The following KCNN4 variants were observed in gnomAD, a reference collection of about 807,000 sequenced individuals.
KCNN4 encodes intermediate conductance calcium-activated potassium channel protein 4.
A neutral mutation model predicts 45.2 loss-of-function variants in KCNN4; 31 were observed. The observed-to-expected ratio is 0.69, with a 90% CI of 0.52 to 0.92. KCNN4 has a LOEUF of 0.92. Ranked by LOEUF, KCNN4 falls within the 40% of genes least tolerant of loss-of-function variation. The probability of loss-of-function intolerance (pLI) is 0.00; values close to 1 mark genes in which losing one functional copy is unlikely to be tolerated. For synonymous variants in KCNN4, 231 were observed against 254.6 expected, an observed-to-expected ratio of 0.91 and a Z score of 0.88; for missense variants, 463 against 574.0, an observed-to-expected ratio of 0.81 and a Z score of 1.98.
chr19:43,779,702 C>G (rs999176932), intron 1 of KCNN4, among the ~76,000 whole-genome samples: 3 of 152,092 alleles, frequency 2.0e-5, no homozygotes, highest in Non-Finnish European at 4.4e-5. Flanking sequence ...ACCCCACTTT[C>G]CCCTTTCTTC....
chr19:43,775,752 G>A (rs1485001313), intron 2 of KCNN4, among the ~76,000 whole-genome samples: 2 of 152,106 alleles, frequency 1.3e-5, no homozygotes, highest in Non-Finnish European at 2.9e-5. Context: ...GACCCAAGGT[G>A]GGGTATGGAT....
At position 43,766,584 on chromosome 19, in the gene KCNN4, ACTT is replaced by A. The variant is rs1453179266; in HGVS notation, c.*506_*508del. On this transcript the variant is annotated 3_prime_UTR_variant, in exon 9 of 9. Transcript: ENST00000648319. ...ATAAGAGCAGAGGCTGGTGAGTTAC[ACTT>A]CTTCCTCCCCACCAGGTGCTCTCTG... 2.0e-5 allele frequency: 3 copies of A among 152,268 alleles called. No homozygotes were observed. Among genetic ancestry groups the A allele is most frequent in the Admixed American group, 6.5e-5 (1 of 15,276 alleles). The allele number at this position is 152,268 out of a possible 1,614,324, so 9.4% of individuals were successfully genotyped here.
At chr19:43,773,342 A>AT (rs143293887) in intron 3 of KCNN4, among the ~76,000 whole-genome samples, 567 of 152,324 alleles carry the variant, frequency 3.7e-3, no homozygotes, top group African/African-American at 0.012. Context: ...CGTGACATGC[A>AT]TTTTTCAGAT....
In KCNN4 at chr19:43,769,298, TC is replaced by T; in HGVS notation, c.1049+143del. On this transcript the variant is annotated intron_variant, in intron 6 of 8. Coordinates refer to ENST00000648319, the MANE Select transcript of KCNN4 (RefSeq NM_002250.3). The surrounding 1 kb of genome is among the most constrained non-coding windows in gnomAD (Gnocchi z 4.4). ...ACACATAGAGTCATGCACGGTCAGATCCAGGTGAGACCTGGATGTTGAGTGA... is the reference window on the plus strand; with the variant it reads ...ACACATAGAGTCATGCACGGTCAGATCAGGTGAGACCTGGATGTTGAGTGA... 1.4e-6 allele frequency: 1 copy of T among 728,176 alleles called. No homozygotes were observed. The highest frequency in any genetic ancestry group is 1.6e-5 in the South Asian group (1 of 62,850). 45.1% of individuals were successfully genotyped at this position (728,176 alleles called of 1,614,324 possible). A position where few individuals can be genotyped will look rare whatever the true frequency, so the allele number is the denominator to read the frequency against.
In KCNN4 at chr19:43,771,988, A is replaced by G. The variant is rs1459415840; in HGVS notation, c.819+12T>C. The stretch of plus-strand genomic sequence containing the variant: ...GGGATAGGGATCATGTCCCCAAGGC[A>G]GCTGTACTCACCATGACTCCAGTGC... On this transcript the variant is annotated intron_variant, in intron 4 of 8. Coordinates refer to ENST00000648319, the MANE Select transcript of KCNN4 (RefSeq NM_002250.3). 1 of 1,598,092 alleles carries G rather than the reference A, an allele frequency of 6.3e-7. No homozygotes were observed. Among genetic ancestry groups the G allele is most frequent in the Admixed American group, 1.8e-5 (1 of 55,906 alleles).
At chr19:43,767,999 C>G (rs1969530839) in intron 7 of KCNN4, among the ~76,000 whole-genome samples, 1 of 152,182 alleles carries the variant, frequency 6.6e-6, no homozygotes, top group South Asian at 2.1e-4. Flanking sequence ...CAAAGCAGCT[C>G]CTGAAATAAG....
intron 1 of KCNN4, among the ~76,000 whole-genome samples, chr19:43,778,733 C>T (rs1969886284): frequency 6.6e-6 from 1 of 152,192 alleles, no homozygotes; most frequent in South Asian, 2.1e-4. Context: ...TCCTCCTCCA[C>T]CCCACCTGGT....
Position 43,774,550 on chromosome 19 carries a change from C to G in KCNN4, c.325G>C (p.Val109Leu). The G allele has an allele frequency of 6.4e-7, 1 of 1,571,076 alleles. No individual in the cohort carries two copies. The highest frequency in any genetic ancestry group is 8.6e-7 in the Non-Finnish European group (1 of 1,166,100). ...AGCCCACACACCACCAGCTCCAGCA[C>G]GATCTGCGCCGCCTGCCGCCCGGTC... ...ALTGRQAAQI[V>L]LELVVCGLHP... The change falls in exon 3 of 9, where the codon GTG (valine) becomes CTG (leucine). Residue 109 changes from valine (V) to leucine (L), a missense_variant. Coordinates refer to ENST00000648319, the MANE Select transcript of KCNN4 (RefSeq NM_002250.3). This position sits in a 1 kb window ranked among gnomAD's most constrained non-coding sequence, Gnocchi z 5.6.
At position 43,766,868 on chromosome 19, in the gene KCNN4, G is replaced by A. The variant is rs1438472271; in HGVS notation, c.*225C>T. 6.5e-6 allele frequency: 1 copy of A among 153,256 alleles called. No homozygotes were observed. Among genetic ancestry groups the A allele is most frequent in the Non-Finnish European group, 1.5e-5 (1 of 68,450 alleles). 9.5% of individuals were successfully genotyped at this position (153,256 alleles called of 1,614,324 possible). ...TGTTTTTGATGAGGGTATGCAGAGT[G>A]GGGGTGACCATGTTCCCACCTGGGG... On this transcript the variant is annotated 3_prime_UTR_variant, in exon 9 of 9. Transcript: ENST00000648319.
In KCNN4 at chr19:43,769,185, T is replaced by C. The variant is rs1389805791; in HGVS notation, c.1050-153A>G. On this transcript the variant is annotated intron_variant, in intron 6 of 8. Transcript: ENST00000648319. The surrounding 1 kb of genome is among the most constrained non-coding windows in gnomAD (Gnocchi z 4.4). ...TGAAAGAGTGGGAGGGGATGCACCC[T>C]GCCTCCCCACGAGCCCCCATCCCCA... is the stretch of plus-strand genomic sequence containing the variant. The C allele has an allele frequency of 5.9e-6, 5 of 841,946 alleles. No homozygotes were observed. The highest frequency in any genetic ancestry group is 9.6e-6 in the Non-Finnish European group (5 of 518,392). 52.2% of individuals were successfully genotyped at this position (841,946 alleles called of 1,614,324 possible).
chr19:43,771,969 G>C (rs1969655979), intron 4 of KCNN4, 31 bp downstream of exon 4: 1 of 1,567,856 alleles, frequency 6.4e-7, no homozygotes, highest in Non-Finnish European at 8.6e-7. Flanking sequence ...GTTTGGGATA[G>C]GGATCATGTC....
chr19:43,769,651 AG>A lies in KCNN4; in HGVS notation c.930+67del. The A allele has an allele frequency of 6.4e-7, 1 of 1,561,032 alleles. No homozygotes were observed. Among genetic ancestry groups the A allele is most frequent in the South Asian group, 1.1e-5 (1 of 89,880 alleles). Reference sequence around the variant, plus strand: ...GCTGGGACTCTTGGGTCCTAGGGGAAGCAGGGGCGCCTGGACTCCTGCTTCT... The same window carrying A: ...GCTGGGACTCTTGGGTCCTAGGGGAACAGGGGCGCCTGGACTCCTGCTTCT... On this transcript the variant is annotated intron_variant, in intron 5 of 8. Transcript: ENST00000648319. The surrounding 1 kb of genome is among the most constrained non-coding windows in gnomAD (Gnocchi z 4.4).
Position 43,774,577 on chromosome 19 carries a change from G to GCGCCA in KCNN4, c.293_297dup (p.Leu100TrpfsTer3). Reference sequence around the variant, plus strand: ...ATCTGCGCCGCCTGCCGCCCGGTCAGCGCCACGCGCCAGTCCCGCAGCCCG... The same window carrying GCGCCA: ...ATCTGCGCCGCCTGCCGCCCGGTCAGCGCCACGCCACGCGCCAGTCCCGCAGCCCG... On this transcript the variant is annotated frameshift_variant, in exon 3 of 9. Transcript: ENST00000648319. LOFTEE classifies it high-confidence loss of function. The surrounding 1 kb of genome is among the most constrained non-coding windows in gnomAD (Gnocchi z 5.6). 6.5e-7 allele frequency: 1 copy of GCGCCA among 1,532,412 alleles called. No homozygotes were observed. Among genetic ancestry groups the GCGCCA allele is most frequent in the Non-Finnish European group, 8.7e-7 (1 of 1,150,312 alleles). 94.9% of individuals were successfully genotyped at this position (1,532,412 alleles called of 1,614,324 possible). A position where few individuals can be genotyped will look rare whatever the true frequency, so the allele number is the denominator to read the frequency against.
rs1288990572 is a variant in KCNN4 at position 43,768,998 on chromosome 19, G to A, written c.1084C>T (p.Arg362Trp). The change falls in exon 7 of 9, where the codon CGG (arginine) becomes TGG (tryptophan). Residue 362 changes from arginine to tryptophan, a missense_variant. Arg to Trp is a moderately radical substitution (Grantham distance 101). Transcript: ENST00000648319. ...TCCACCATGGAGTTCACTTGTTCCC[G>A]GAGCTTCCGGTGTTTCAGCCGCACC... ...RQVRLKHRKL[R>W]EQVNSMVDIS... The A allele has an allele frequency of 8.7e-6, 14 of 1,613,896 alleles. No individual in the cohort carries two copies. Among genetic ancestry groups the A allele is most frequent in the South Asian group, 7.7e-5 (7 of 91,072 alleles).
Position 43,769,150 on chromosome 19 carries a change from G to C in KCNN4, c.1050-118C>G. 8.5e-7 allele frequency: 1 copy of C among 1,170,834 alleles called. No individual in the cohort carries two copies. Among genetic ancestry groups the C allele is most frequent in the Non-Finnish European group, 1.3e-6 (1 of 788,188 alleles). 72.5% of individuals were successfully genotyped at this position (1,170,834 alleles called of 1,614,324 possible). ...AGAAACAAAACAAAGAAACAAAGTT[G>C]TCGAAGAGCTGAAAGAGTGGGAGGG... is the stretch of plus-strand genomic sequence containing the variant. On this transcript the variant is annotated intron_variant, in intron 6 of 8. Transcript: ENST00000648319. The surrounding 1 kb of genome is among the most constrained non-coding windows in gnomAD (Gnocchi z 4.4).
rs1265496801 is a variant in KCNN4 at position 43,772,979 on chromosome 19, A to G, written c.684-844T>C. ...AATCCTGATTCTGACCAATTTCCCA[A>G]TTGTGAAAACTAAGATCCTGGAAGG... On this transcript the variant is annotated intron_variant, in intron 3 of 8. Transcript: ENST00000648319. The surrounding 1 kb of genome is among the most constrained non-coding windows in gnomAD (Gnocchi z 4.4). Among the ~76,000 whole-genome samples the G allele has an allele frequency of 6.6e-6, 1 of 152,214 alleles. No individual in the cohort carries two copies.
rs751189898 is a variant in KCNN4, at chr19:43,774,450, G to C, written c.425C>G (p.Pro142Arg). The C allele has an allele frequency of 6.3e-7, 1 of 1,595,198 alleles. No homozygotes were observed. The highest frequency in any genetic ancestry group is 8.5e-7 in the Non-Finnish European group (1 of 1,171,062). The change falls in exon 3 of 9, where the codon CCG becomes CGG. Residue 142 changes from proline (P) to arginine (R), a missense_variant. Around this residue, in one of 3 missense-constraint regions of KCNN4, gnomAD observed 225 missense variants for 240.9 expected, o/e 0.93. Transcript: ENST00000648319. This position sits in a 1 kb window ranked among gnomAD's most constrained non-coding sequence, Gnocchi z 5.6. ...CGCTTCCCCTTGGCCCAGGAATCCC[G>C]GCCAGGGCTGCGGGGAGGTCAGCGG... ...GAPLTSPQPW[P>R]GFLGQGEALL...
At chr19:43,775,048 G>A (rs1410987181) in intron 2 of KCNN4, among the ~76,000 whole-genome samples, 1 of 152,232 alleles carries the variant, frequency 6.6e-6, no homozygotes, top group Non-Finnish European at 1.5e-5. Flanking sequence ...GCCATGGGCC[G>A]GGCGCGATGG....
intron 1 of KCNN4, among the ~76,000 whole-genome samples, chr19:43,780,500 T>C (rs11878954): frequency 0.021 from 342 of 16,266 alleles, 15 homozygotes; most frequent in African/African-American, 0.051. Flanking sequence ...AGGCCCTCAG[T>C]CCCTCCTCCC....
Sources: gnomAD v4.1 joint callset for allele counts (sites outside exome capture counted in the v4.1 genomes callset) on GRCh38, gnomAD v4.1.1 for gene constraint, gnomAD v4.1.1 regional missense constraint, Gnocchi (gnomAD v3.1) non-coding constraint, MANE v1.5 for transcripts, NCBI Gene and HGNC (gene_info 2026-07-23, HGNC 2026-07-21) for gene names.